The following ZNF556 variants were observed in gnomAD, a reference collection of about 807,000 sequenced individuals.
The protein encoded by ZNF556 is zinc finger protein 556.
A neutral mutation model predicts 13.6 loss-of-function variants in ZNF556; 11 were observed. The observed-to-expected ratio is 0.81, with a 90% CI of 0.51 to 1.33. The LOEUF (loss-of-function observed/expected upper bound fraction) is 1.33. ZNF556 is among the 40% of genes most tolerant of loss of function. ZNF556 has a pLI of 0.00. For missense variants in ZNF556, 633 were observed against 566.2 expected (o/e 1.12, Z -1.20); for synonymous variants, 229 against 207.8 (o/e 1.10, Z -0.88).
Position 2,877,496 on chromosome 19 carries a change from T to C in ZNF556, c.538T>C (p.Cys180Arg), listed in dbSNP as rs2087863845. 6 of 1,614,178 alleles carry C rather than the reference T, an allele frequency of 3.7e-6. No individual in the cohort carries two copies. Among genetic ancestry groups the C allele is most frequent in the Non-Finnish European group, 5.1e-6 (6 of 1,180,030 alleles). Residue 180 changes from cysteine (C) to arginine (R), a missense_variant, in exon 4 of 4, where the codon TGT (cysteine) becomes CGT (arginine). Cys to Arg is a radical substitution (Grantham distance 180, BLOSUM62 -3). Coordinates refer to ENST00000307635, the MANE Select transcript of ZNF556 (RefSeq NM_024967.3). ...ACAAAAATTATATAAATGTAAGGAA[T>C]GTGGGAAAGCCTTCAGTCGCCCTTC... ...SGQKLYKCKECGKAFSRPSYL... is the reference protein window; with the variant it reads ...SGQKLYKCKERGKAFSRPSYL...
intron 1 of ZNF556, among the ~76,000 whole-genome samples, chr19:2,871,228 A>C (rs1042194134): frequency 6.6e-6 from 1 of 152,202 alleles, no homozygotes; most frequent in Non-Finnish European, 1.5e-5. Context: ...CATAATAAAG[A>C]AGGAAATCCT....
chr19:2,880,126 T>A lies in ZNF556; in HGVS notation c.*1797T>A, dbSNP rs2087894022. 6.6e-6 allele frequency: 1 copy of A among 152,234 alleles called. No individual in the cohort carries two copies. Among genetic ancestry groups the A allele is most frequent in the Non-Finnish European group, 1.5e-5 (1 of 68,046 alleles). 9.4% of individuals were successfully genotyped at this position (152,234 alleles called of 1,614,324 possible). A position where few individuals can be genotyped will look rare whatever the true frequency, so the allele number is the denominator to read the frequency against. ...CCTAGTATTCTTCGTGAGATAAATCTTACCTTTCATGAGAAAATGAAAGAC... is the reference window on the plus strand; with the variant it reads ...CCTAGTATTCTTCGTGAGATAAATCATACCTTTCATGAGAAAATGAAAGAC... On this transcript the variant is annotated 3_prime_UTR_variant, in exon 4 of 4. Transcript: ENST00000307635.
rs62128864 is a variant in ZNF556, at chr19:2,883,158, G to C, written c.*4829G>C. The C allele has an allele frequency of 6.6e-6, 1 of 152,100 alleles. No homozygotes were observed. The allele number at this position is 152,100 out of a possible 1,614,324, so 9.4% of individuals were successfully genotyped here. The stretch of plus-strand genomic sequence containing the variant: ...CAAGTGTGCCATGATTTCCTGGTGA[G>C]GATAAAATCTATGGACGGTGAGAGA... On this transcript the variant is annotated 3_prime_UTR_variant, in exon 4 of 4. Coordinates refer to ENST00000307635, the MANE Select transcript of ZNF556 (RefSeq NM_024967.3).
At chr19:2,868,509 T>C (rs1476387147) in intron 1 of ZNF556, among the ~76,000 whole-genome samples, 1 of 150,596 alleles carries the variant, frequency 6.6e-6, no homozygotes, top group African/African-American at 2.4e-5. Context: ...GCCTCCTGAG[T>C]TCAAGCGATT....
In ZNF556 at chr19:2,867,382, G is replaced by A. The variant is rs1336774448; in HGVS notation, c.-40G>A. 2.5e-6 allele frequency: 4 copies of A among 1,574,178 alleles called. No homozygotes were observed. Among genetic ancestry groups the A allele is most frequent in the Non-Finnish European group, 2.6e-6 (3 of 1,160,652 alleles). Reference sequence around the variant, plus strand: ...CGTGCTCACCTGCACCGGCTGCGAGGAGCAGGGAGCTCCTCAAAGAGCTCA... The same window carrying A: ...CGTGCTCACCTGCACCGGCTGCGAGAAGCAGGGAGCTCCTCAAAGAGCTCA... On this transcript the variant is annotated 5_prime_UTR_variant, in exon 1 of 4. Coordinates refer to ENST00000307635, the MANE Select transcript of ZNF556 (RefSeq NM_024967.3).
chr19:2,879,642 A>G lies in ZNF556; in HGVS notation c.*1313A>G, dbSNP rs113689832. 31,763 of 151,788 alleles carry G rather than the reference A, an allele frequency of 0.21. 7,097 individuals carry two copies. Among genetic ancestry groups the G allele is most frequent in the African/African-American group, 0.57 (23,524 of 41,348 alleles). 9.4% of individuals were successfully genotyped at this position (151,788 alleles called of 1,614,324 possible). On this transcript the variant is annotated 3_prime_UTR_variant, in exon 4 of 4. Transcript: ENST00000307635. ...CAGGTGTGAGCCACTATGCCTGGCC[A>G]TATTATCATTATCTTAATACCTCAT...
intron 1 of ZNF556, among the ~76,000 whole-genome samples, chr19:2,869,823 T>G (rs1015227671): frequency 2.0e-5 from 3 of 152,176 alleles, no homozygotes; most frequent in Admixed American, 1.3e-4. Flanking sequence ...ATGAGATCAC[T>G]GCTCTGTGCA....
At chr19:2,867,571 GTTTC>G in intron 1 of ZNF556, 147 bp downstream of exon 1, 2 of 1,150,990 alleles carry the variant, frequency 1.7e-6, no homozygotes, top group Non-Finnish European at 2.5e-6. Flanking sequence ...CCTGCGGGGA[GTTTC>G]CTCCCCTGCC....
chr19:2,870,338 A>C (rs2144881864), intron 1 of ZNF556, among the ~76,000 whole-genome samples: 1 of 152,260 alleles, frequency 6.6e-6, no homozygotes, highest in Middle Eastern at 3.4e-3. Flanking sequence ...CACACCTGTA[A>C]TCCCAGTTAG....
Position 2,882,601 on chromosome 19 carries a change from C to A in ZNF556, c.*4272C>A, listed in dbSNP as rs1373994688. 3.4e-5 allele frequency: 5 copies of A among 148,320 alleles called. No individual in the cohort carries two copies. In the East Asian group the frequency reaches 1.0e-3, roughly 31 times the overall value. 9.2% of individuals were successfully genotyped at this position (148,320 alleles called of 1,614,324 possible). A position where few individuals can be genotyped will look rare whatever the true frequency, so the allele number is the denominator to read the frequency against. On this transcript the variant is annotated 3_prime_UTR_variant, in exon 4 of 4. Coordinates refer to ENST00000307635, the MANE Select transcript of ZNF556 (RefSeq NM_024967.3). ...GACGGAGTTTTGCTCTGTTGCCAGG[C>A]TGGAGTGCAGTGGTGCGATCTCAGC...
rs930185945 is a variant in ZNF556 at position 2,881,095 on chromosome 19, T to G, written c.*2766T>G. 2.0e-5 allele frequency: 3 copies of G among 152,006 alleles called. No homozygotes were observed. The highest frequency in any genetic ancestry group is 4.8e-5 in the African/African-American group (2 of 41,434). 9.4% of individuals were successfully genotyped at this position (152,006 alleles called of 1,614,324 possible). A position where few individuals can be genotyped will look rare whatever the true frequency, so the allele number is the denominator to read the frequency against. ...GCTGGCCAGGCTGGTCTCGATCTCC[T>G]GACCTTGTGATCTGCCCACCTCGGC... On this transcript the variant is annotated 3_prime_UTR_variant, in exon 4 of 4. Transcript: ENST00000307635.
chr19:2,869,975 G>A (rs904048526), intron 1 of ZNF556, among the ~76,000 whole-genome samples: 1 of 152,032 alleles, frequency 6.6e-6, no homozygotes, highest in Admixed American at 6.6e-5. Context: ...ACAGGCTCTG[G>A]CTGTGCCTGA....
rs1387581549 is a variant in ZNF556, at chr19:2,879,099, T to C, written c.*770T>C. ...GTTACTTTTATTCCACCTTTCCATT[T>C]TACAGGGAAAAACTATTTTTAATGT... On this transcript the variant is annotated 3_prime_UTR_variant, in exon 4 of 4. Coordinates refer to ENST00000307635, the MANE Select transcript of ZNF556 (RefSeq NM_024967.3). 6.6e-6 allele frequency: 1 copy of C among 152,140 alleles called. No homozygotes were observed. The highest frequency in any genetic ancestry group is 2.4e-5 in the African/African-American group (1 of 41,442). The allele number at this position is 152,140 out of a possible 1,614,324, so 9.4% of individuals were successfully genotyped here.
intron 3 of ZNF556, among the ~76,000 whole-genome samples, 174 bp from the exon 4 acceptor site, chr19:2,877,099 G>A (rs183410510): frequency 6.6e-6 from 1 of 152,054 alleles, no homozygotes; most frequent in African/African-American, 2.4e-5. Context: ...TGTAATCCCA[G>A]CTGCTCAGGA....
chr19:2,871,195 T>A lies in ZNF556; in HGVS notation c.4-2301T>A, dbSNP rs568153625. ...AAAAAAAGTATATGACATACACATA[T>A]ATACAGTTAAATGTTATTCAGTCAT... On this transcript the variant is annotated intron_variant, in intron 1 of 3. Coordinates refer to ENST00000307635, the MANE Select transcript of ZNF556 (RefSeq NM_024967.3). Among the ~76,000 whole-genome samples, 218 of 151,950 alleles carry A rather than the reference T, an allele frequency of 1.4e-3. 1 individual carries two copies. Among genetic ancestry groups the A allele is most frequent in the African/African-American group, 4.8e-3 (200 of 41,360 alleles).
intron 1 of ZNF556, among the ~76,000 whole-genome samples, chr19:2,872,724 C>G (rs1222505329): frequency 1.3e-5 from 2 of 149,308 alleles, no homozygotes; most frequent in Admixed American, 1.4e-4. Context: ...GAGGCTGAGG[C>G]AGGAGAATTG....
rs143860844 is a variant in ZNF556, at chr19:2,878,017, G to A, written c.1059G>A (p.Ala353=). Residue 353 remains alanine (A), a synonymous_variant, in exon 4 of 4, where the codon GCG becomes GCA. Transcript: ENST00000307635. ...GGGGCAGCGTGGGAAAGTCTTCCGC[G>A]AGGCCTCGCCCCTCCACAGATGTCA... ...VSGGSVGKSS[A]RPRPSTDVKS... The A allele has an allele frequency of 2.9e-3, 4,656 of 1,614,070 alleles. 7 individuals are homozygous for A. The highest frequency in any genetic ancestry group is 3.7e-3 in the Non-Finnish European group (4,360 of 1,179,976).
rs61735330 is a variant in ZNF556, at chr19:2,877,466, T to C, written c.508T>C (p.Ser170Pro). ...CCTGATAAGGCACAAAAGAGCTCACTCTGGACAAAAATTATATAAATGTAA... is the reference window on the plus strand; with the variant it reads ...CCTGATAAGGCACAAAAGAGCTCACCCTGGACAAAAATTATATAAATGTAA... ...SSLIRHKRAH[S>P]GQKLYKCKEC... Residue 170 changes from serine (S) to proline (P), a missense_variant, in exon 4 of 4, where the codon TCT becomes CCT. Physicochemically the swap from Ser to Pro is moderately conservative, Grantham distance 74. Coordinates refer to ENST00000307635, the MANE Select transcript of ZNF556 (RefSeq NM_024967.3). 1 of 1,614,158 alleles carries C rather than the reference T, an allele frequency of 6.2e-7. No individual in the cohort carries two copies. The highest frequency in any genetic ancestry group is 8.5e-7 in the Non-Finnish European group (1 of 1,180,022).
chr19:2,877,603 C>G lies in ZNF556; in HGVS notation c.645C>G (p.Ser215=). 6.2e-7 allele frequency: 1 copy of G among 1,614,142 alleles called. No individual in the cohort carries two copies. Among genetic ancestry groups the G allele is most frequent in the Non-Finnish European group, 8.5e-7 (1 of 1,180,032 alleles). ...CQSCGKTFLR[S]HSLTEHVRTH... is the part of the protein sequence containing the mutation. The stretch of plus-strand genomic sequence containing the variant: ...CTTGCGGGAAGACATTTCTTCGTTC[C>G]CACTCTCTCACTGAACATGTAAGGA... Residue 215 remains serine, a synonymous_variant, in exon 4 of 4, where the codon TCC becomes TCG. Transcript: ENST00000307635.
Sources: gnomAD v4.1 joint callset for allele counts (sites outside exome capture counted in the v4.1 genomes callset) on GRCh38, gnomAD v4.1.1 for gene constraint, MANE v1.5 for transcripts, NCBI Gene and HGNC (gene_info 2026-07-23, HGNC 2026-07-21) for gene names.